SCML2: variants seen among roughly 807,000 people sequenced by gnomAD.
The protein encoded by SCML2 is sex comb on midleg-like protein 2.
SCML2 carries 6 observed loss-of-function variants against 48.4 expected under a neutral mutation model. That is an observed-to-expected ratio of 0.12 (90% confidence interval 0.07 to 0.24). The LOEUF (loss-of-function observed/expected upper bound fraction) is 0.24. Ranked by LOEUF, SCML2 falls within the 10% of genes least tolerant of loss-of-function variation. SCML2 has a pLI of 1.00. For missense variants in SCML2, 377 were observed against 528.2 expected, an observed-to-expected ratio of 0.71 and a Z score of 2.81; for synonymous variants, 181 against 189.5, an observed-to-expected ratio of 0.95 and a Z score of 0.37.
At position 18,312,797 on chromosome X, in the gene SCML2, T is replaced by C. The variant is rs183458816; in HGVS notation, c.486+7535A>G. On this transcript the variant is annotated intron_variant, in intron 6 of 14. Coordinates refer to ENST00000251900, the MANE Select transcript of SCML2 (RefSeq NM_006089.3). Reference sequence around the variant, plus strand: ...CATCCAAGTGGAGATGTAGAGTAGGTAGCTGGATATACAAATCTGAGTTGG... The same window carrying C: ...CATCCAAGTGGAGATGTAGAGTAGGCAGCTGGATATACAAATCTGAGTTGG... 3.8e-4 allele frequency among the ~76,000 whole-genome samples: 42 copies of C among 111,309 alleles called. No homozygotes were observed. In the East Asian group the frequency reaches 8.8e-3, roughly 23 times the overall value.
chrX:18,281,391 A>C (rs1927841555), intron 7 of SCML2, among the ~76,000 whole-genome samples: 1 of 111,619 alleles, frequency 9.0e-6, no homozygotes, highest in South Asian at 3.7e-4. Flanking sequence ...TGCCTTCATC[A>C]ACAAGTTACA....
In SCML2 at chrX:18,326,034, C is replaced by T. The variant is rs573840767; in HGVS notation, c.92-1057G>A. Among the ~76,000 whole-genome samples, 34 of 112,084 alleles carry T rather than the reference C, an allele frequency of 3.0e-4. 1 individual carries two copies. In the South Asian group the frequency reaches 7.0e-3, roughly 23 times the overall value. ...ATACAACAAAAAACCTGACTGACAGCGTTTGCAGATTTCCGTGATGTAAAT... is the reference window on the plus strand; with the variant it reads ...ATACAACAAAAAACCTGACTGACAGTGTTTGCAGATTTCCGTGATGTAAAT... On this transcript the variant is annotated intron_variant, in intron 3 of 14. Coordinates refer to ENST00000251900, the MANE Select transcript of SCML2 (RefSeq NM_006089.3).
At chrX:18,347,212 A>C (rs1201090653) in intron 1 of SCML2, among the ~76,000 whole-genome samples, 1 of 111,350 alleles carries the variant, frequency 9.0e-6, no homozygotes, top group Non-Finnish European at 1.9e-5. Context: ...TGGGAGGCTG[A>C]GGCGGGTGAA....
chrX:18,287,362 A>G, intron 7 of SCML2, among the ~76,000 whole-genome samples: 1 of 110,979 alleles, frequency 9.0e-6, no homozygotes, highest in African/African-American at 3.3e-5. Flanking sequence ...GTTTTGATTC[A>G]CTCCCTCCTC....
At chrX:18,295,425 C>A (rs1399950619) in intron 7 of SCML2, among the ~76,000 whole-genome samples, 1 of 112,385 alleles carries the variant, frequency 8.9e-6, no homozygotes, top group East Asian at 2.8e-4. Flanking sequence ...GCTGTCATCT[C>A]AGCCAGCACC....
intron 7 of SCML2, among the ~76,000 whole-genome samples, chrX:18,271,475 A>G (rs1253330846): frequency 9.1e-6 from 1 of 109,774 alleles, no homozygotes; most frequent in Non-Finnish European, 1.9e-5. Context: ...CCAGTGGACA[A>G]CCTTGTGAAC....
intron 1 of SCML2, among the ~76,000 whole-genome samples, chrX:18,335,511 T>A (rs761233833): frequency 2.7e-5 from 3 of 110,289 alleles, no homozygotes; most frequent in East Asian, 2.9e-4. Context: ...CTCAAAAAAA[T>A]AAATAAATAA....
intron 9 of SCML2, among the ~76,000 whole-genome samples, chrX:18,259,505 T>C (rs1442919662): frequency 8.9e-6 from 1 of 111,759 alleles, no homozygotes; most frequent in African/African-American, 3.2e-5. Context: ...AGAAATGAAA[T>C]AGCTATTAAA....
At position 18,347,723 on chromosome X, in the gene SCML2, C is replaced by CAAAAAAA. The variant is rs749758995; in HGVS notation, c.-25+6862_-25+6868dup. On this transcript the variant is annotated intron_variant, in intron 1 of 14. Transcript: ENST00000251900. ...TGGGTGACAGAGCAAGACTCCGTCT[C>CAAAAAAA]AAAAAAAAAAAAAAAAAAAAAAAAA... Among the ~76,000 whole-genome samples the CAAAAAAA allele has an allele frequency of 1.8e-4, 4 of 21,925 alleles. 1 individual carries two copies. Among genetic ancestry groups the CAAAAAAA allele is most frequent in the Non-Finnish European group, 3.7e-4 (4 of 10,917 alleles). The allele number at this position is 21,925 out of a possible 115,157, so 19.0% of individuals were successfully genotyped here. A position where few individuals can be genotyped will look rare whatever the true frequency, so the allele number is the denominator to read the frequency against.
At chrX:18,325,959 A>C (rs1929466159) in intron 3 of SCML2, among the ~76,000 whole-genome samples, 1 of 112,540 alleles carries the variant, frequency 8.9e-6, no homozygotes. Flanking sequence ...AACAAAAAAC[A>C]AAAAAACCTA....
At chrX:18,278,139 C>T (rs1310827060) in intron 7 of SCML2, among the ~76,000 whole-genome samples, 1 of 111,970 alleles carries the variant, frequency 8.9e-6, no homozygotes, top group Non-Finnish European at 1.9e-5. Context: ...GCCTGGGCAA[C>T]AGAGTGAGAC....
chrX:18,249,887 G>A (rs1181335904), intron 11 of SCML2, among the ~76,000 whole-genome samples: 2 of 110,774 alleles, frequency 1.8e-5, no homozygotes, highest in Non-Finnish European at 3.8e-5. Flanking sequence ...GAGATACACT[G>A]GTTCCAGGCA....
chrX:18,244,677 T>C (rs1300292246), intron 13 of SCML2, among the ~76,000 whole-genome samples: 1 of 111,748 alleles, frequency 8.9e-6, no homozygotes, highest in Non-Finnish European at 1.9e-5. Context: ...CGGCTCTGTC[T>C]TATATACACT....
At chrX:18,309,683 G>C (rs1361556900) in intron 6 of SCML2, among the ~76,000 whole-genome samples, 1 of 111,948 alleles carries the variant, frequency 8.9e-6, no homozygotes, top group African/African-American at 3.2e-5. Flanking sequence ...ACCAAATGCT[G>C]CATGTTCTCA....
intron 2 of SCML2, among the ~76,000 whole-genome samples, chrX:18,331,259 CAAAAAAAAAAAAAAAAA>C (rs35589774): frequency 1.2e-4 from 2 of 16,269 alleles, no homozygotes; most frequent in African/African-American, 2.4e-4. Flanking sequence ...GACTCCGTCT[CAAAAAAAAAAAAAAAAA>C]AAAAAAAAAA....
intron 7 of SCML2, among the ~76,000 whole-genome samples, chrX:18,286,907 T>C (rs1928072260): frequency 9.0e-6 from 1 of 111,070 alleles, no homozygotes; most frequent in Admixed American, 9.7e-5. Flanking sequence ...ATAAAAATTG[T>C]ACCTGCCTTT....
At chrX:18,347,953 TTAAC>T (rs1455594277) in intron 1 of SCML2, among the ~76,000 whole-genome samples, 1 of 111,142 alleles carries the variant, frequency 9.0e-6, no homozygotes, top group Non-Finnish European at 1.9e-5. Flanking sequence ...CTAAGAAGGC[TTAAC>T]TATTTTCAAA....
At position 18,246,726 on chromosome X, in the gene SCML2, G is replaced by A; in HGVS notation, c.1673C>T (p.Ala558Val). 2 of 1,209,023 alleles carry A rather than the reference G, an allele frequency of 1.7e-6. No homozygotes were observed. Among genetic ancestry groups the A allele is most frequent in the Non-Finnish European group, 2.2e-6 (2 of 893,365 alleles). The change falls in exon 13 of 15, where the codon GCC becomes GTC. Residue 558 changes from alanine to valine, a missense_variant. Coordinates refer to ENST00000251900, the MANE Select transcript of SCML2 (RefSeq NM_006089.3). ...SLNSGNYLNP[A>V]CRNPMYIHTS... is the part of the protein sequence containing the mutation. ...ATGAATATACATAGGATTTCTACAG[G>A]CAGGATTCAAATAATTTCCTGAATT...
At position 18,262,860 on chromosome X, in the gene SCML2, C is replaced by A. The variant is rs998367806; in HGVS notation, c.949-2569G>T. 4.6e-5 allele frequency among the ~76,000 whole-genome samples: 5 copies of A among 108,030 alleles called. 1 individual carries two copies. The highest frequency in any genetic ancestry group is 1.8e-4 in the African/African-American group (5 of 28,067). 93.8% of individuals were successfully genotyped at this position (108,030 alleles called of 115,157 possible). A position where few individuals can be genotyped will look rare whatever the true frequency, so the allele number is the denominator to read the frequency against. On this transcript the variant is annotated intron_variant, in intron 8 of 14. Transcript: ENST00000251900. Reference sequence around the variant, plus strand: ...CTTCCCATGTAGCTGGGGCTACATGCGTGTGCCACTGCACCCAGCTAATTT... The same window carrying A: ...CTTCCCATGTAGCTGGGGCTACATGAGTGTGCCACTGCACCCAGCTAATTT...
Sources: allele counts gnomAD v4.1 joint callset (sites outside exome capture counted in the v4.1 genomes callset), GRCh38; gene constraint gnomAD v4.1.1; transcripts MANE v1.5; gene names NCBI Gene and HGNC (gene_info 2026-07-23, HGNC 2026-07-21).